TYR: variants seen among roughly 807,000 people sequenced by gnomAD.
The protein encoded by TYR is tyrosinase.
In TYR, 58 loss-of-function variants were observed where a neutral mutation model predicts 51.5. The observed-to-expected ratio is 1.13, with a 90% CI of 0.91 to 1.40. The LOEUF is 1.40. TYR is among the 40% of genes most tolerant of loss of function. TYR has a pLI of 0.00. For synonymous variants in TYR, 263 were observed against 235.2 expected (o/e 1.12, Z -1.08); for missense variants, 732 against 647.4 (o/e 1.13, Z -1.42).
intron 3 of TYR, among the ~76,000 whole-genome samples, chr11:89,261,168 A>C (rs1289552294): frequency 6.6e-6 from 1 of 152,158 alleles, no homozygotes; most frequent in East Asian, 1.9e-4. Flanking sequence ...AGGAACAATA[A>C]AGAAAGACAT....
intron 2 of TYR, among the ~76,000 whole-genome samples, chr11:89,197,535 G>C (rs1343767722): frequency 6.6e-6 from 1 of 152,080 alleles, no homozygotes; most frequent in Admixed American, 6.6e-5. Context: ...ATTGACAAGG[G>C]TAGTTGTGAT....
At chr11:89,290,436 C>CA (rs779410967) in intron 4 of TYR, among the ~76,000 whole-genome samples, 12 of 151,994 alleles carry the variant, frequency 7.9e-5, no homozygotes, top group Non-Finnish European at 1.0e-4. Context: ...AAGCCTTTAA[C>CA]AAAAAAGAAA....
At chr11:89,236,845 G>C (rs1361951586) in intron 3 of TYR, among the ~76,000 whole-genome samples, 5 of 152,150 alleles carry the variant, frequency 3.3e-5, no homozygotes, top group Admixed American at 2.0e-4. Context: ...CAAACTTCAA[G>C]ACTAGTTTCA....
intron 3 of TYR, among the ~76,000 whole-genome samples, chr11:89,266,397 AT>A (rs1425605750): frequency 6.6e-6 from 1 of 151,782 alleles, no homozygotes; most frequent in Non-Finnish European, 1.5e-5. Flanking sequence ...GTGTTCACAT[AT>A]TTTTTACTTT....
At chr11:89,285,014 A>G in intron 4 of TYR, 60 bp downstream of exon 4, 4 of 1,442,792 alleles carry the variant, frequency 2.8e-6, no homozygotes, top group Non-Finnish European at 3.9e-6. Flanking sequence ...TTATTTTGAG[A>G]TAACACAAAA....
chr11:89,208,025 T>G (rs1943694742), intron 2 of TYR, among the ~76,000 whole-genome samples: 1 of 152,138 alleles, frequency 6.6e-6, no homozygotes, highest in African/African-American at 2.4e-5. Context: ...TCCCAGCACT[T>G]TGGGAGGCCA....
chr11:89,276,950 G>A (rs1944661498), intron 3 of TYR, among the ~76,000 whole-genome samples: 1 of 151,742 alleles, frequency 6.6e-6, no homozygotes, highest in South Asian at 2.1e-4. Context: ...AAAATGAGGG[G>A]TTTGGAAGGG....
intron 3 of TYR, among the ~76,000 whole-genome samples, chr11:89,267,958 G>C (rs4087499): frequency 0.26 from 38,870 of 151,638 alleles, 5,264 homozygotes; most frequent in Non-Finnish European, 0.31. Flanking sequence ...CTTTTTGTTT[G>C]TTTGCCTATT....
intron 2 of TYR, among the ~76,000 whole-genome samples, chr11:89,198,839 A>G (rs1943559292): frequency 6.6e-6 from 1 of 151,788 alleles, no homozygotes; most frequent in Admixed American, 6.6e-5. Context: ...TACATGTGCC[A>G]TGTTGGTGTG....
At chr11:89,249,876 A>G (rs1944311614) in intron 3 of TYR, among the ~76,000 whole-genome samples, 1 of 152,054 alleles carries the variant, frequency 6.6e-6, no homozygotes, top group Non-Finnish European at 1.5e-5. Context: ...CTAAAGCCCA[A>G]TGGAGAGAGG....
intron 1 of TYR, among the ~76,000 whole-genome samples, chr11:89,190,499 G>C (rs927520413): frequency 3.9e-5 from 6 of 152,048 alleles, no homozygotes; most frequent in African/African-American, 1.2e-4. Context: ...ATTTCCTACA[G>C]TTGTACAATA....
At chr11:89,241,523 T>C (rs532796736) in intron 3 of TYR, among the ~76,000 whole-genome samples, 98 of 152,182 alleles carry the variant, frequency 6.4e-4, no homozygotes, top group Non-Finnish European at 1.1e-3. Context: ...TTCATATTTA[T>C]TAATTCAATG....
chr11:89,206,902 GAAAAT>G (rs1263185678), intron 2 of TYR, among the ~76,000 whole-genome samples: 3 of 151,874 alleles, frequency 2.0e-5, no homozygotes. Context: ...AAGACTTAAG[GAAAAT>G]AAAATACATT....
chr11:89,280,292 T>G (rs1944706281), intron 3 of TYR, among the ~76,000 whole-genome samples: 1 of 151,688 alleles, frequency 6.6e-6, no homozygotes, highest in African/African-American at 2.4e-5. Context: ...ATTCCAATTA[T>G]GCATATGTTA....
In TYR at chr11:89,226,629, G is replaced by A. The variant is rs375415208; in HGVS notation, c.1037-1194G>A. 3.8e-4 allele frequency among the ~76,000 whole-genome samples: 58 copies of A among 152,154 alleles called. 1 individual carries two copies. In the East Asian group the frequency reaches 9.3e-3, roughly 24 times the overall value. ...AGTCACAATAGTGGGAGAGCACAAG[G>A]CATGTGATGCAAAAATTAAGAACTG... On this transcript the variant is annotated intron_variant, in intron 2 of 4. Coordinates refer to ENST00000263321, the MANE Select transcript of TYR (RefSeq NM_000372.5).
intron 3 of TYR, among the ~76,000 whole-genome samples, chr11:89,247,668 C>CA (rs1317275116): frequency 5.3e-5 from 8 of 152,010 alleles, no homozygotes; most frequent in African/African-American, 1.9e-4. Context: ...GTTTATTTTA[C>CA]AAAAAAGGAA....
In TYR at chr11:89,212,566, A is replaced by AAT. The variant is rs1372982956; in HGVS notation, c.1037-15256_1037-15255dup. On this transcript the variant is annotated intron_variant, in intron 2 of 4. Transcript: ENST00000263321. Reference sequence around the variant, plus strand: ...TATTCCAATCAATAGAAAAACAGGGAATCCTTCTTAATTCATTTTATGAGG... The same window carrying AAT: ...TATTCCAATCAATAGAAAAACAGGGAATATCCTTCTTAATTCATTTTATGAGG... Among the ~76,000 whole-genome samples the AAT allele has an allele frequency of 7.5e-5, 11 of 145,806 alleles. No homozygotes were observed. The East Asian group carries it at 2.2e-3, about 29-fold the overall frequency.
chr11:89,219,234 A>G (rs563559583), intron 2 of TYR, among the ~76,000 whole-genome samples: 2 of 152,296 alleles, frequency 1.3e-5, no homozygotes, highest in East Asian at 3.9e-4. Flanking sequence ...TGTTTCAGGA[A>G]AATATTAGTC....
At chr11:89,291,479 T>A (rs1472641910) in intron 4 of TYR, among the ~76,000 whole-genome samples, 3 of 151,054 alleles carry the variant, frequency 2.0e-5, no homozygotes, top group African/African-American at 7.3e-5. Flanking sequence ...GTAAAAAGAC[T>A]TTTTTTTTAT....
Sources: allele counts gnomAD v4.1 joint callset (sites outside exome capture counted in the v4.1 genomes callset), GRCh38; gene constraint gnomAD v4.1.1; transcripts MANE v1.5; gene names NCBI Gene and HGNC (gene_info 2026-07-23, HGNC 2026-07-21).